The following ERG variants were observed in gnomAD, a reference collection of about 807,000 sequenced individuals.
ERG encodes transcriptional regulator ERG.
ERG carries 9 observed loss-of-function variants against 55.3 expected under a neutral mutation model. That is an observed-to-expected ratio of 0.16 (90% CI 0.10 to 0.28). The LOEUF (loss-of-function observed/expected upper bound fraction) is 0.28, where lower values mean the gene tolerates loss of function less well. Ranked by LOEUF, ERG falls within the 10% of genes least tolerant of loss-of-function variation. ERG has a pLI of 1.00. For synonymous variants in ERG, 223 were observed against 237.3 expected (o/e 0.94, Z 0.55); for missense variants, 434 against 631.6 (o/e 0.69, Z 3.35).
upstream of ERG, chr21:38,584,948 GA>G (rs1247700796): frequency 1.3e-5 from 2 of 152,140 alleles, no homozygotes; most frequent in Non-Finnish European, 2.9e-5. Flanking sequence ...GGAATAACCT[GA>G]ATATAAGTTG....
chr21:38,486,019 T>G (rs2059281869), intron 1 of ERG, among the ~76,000 whole-genome samples: 1 of 151,846 alleles, frequency 6.6e-6, no homozygotes, highest in African/African-American at 2.4e-5. Flanking sequence ...CAGCAACCTT[T>G]GCCTCCCAGG....
rs528503657 is a variant in ERG at position 38,538,847 on chromosome 21, G to A, written c.-41+36815C>T. 5.7e-4 allele frequency among the ~76,000 whole-genome samples: 87 copies of A among 151,744 alleles called. 1 individual carries two copies. The highest frequency in any genetic ancestry group is 1.1e-3 in the African/African-American group (45 of 41,330). On this transcript the variant is annotated intron_variant, in intron 2 of 8. Transcript: ENST00000398897. ...ACCAAGAGAGCTACTGTACTTCTCC[G>A]AGACTCATTTTCTCTTCTGTAAAAA...
chr21:38,658,542 T>G (rs1268892521), intron 1 of ERG, among the ~76,000 whole-genome samples: 3 of 152,224 alleles, frequency 2.0e-5, no homozygotes, highest in South Asian at 2.1e-4. Context: ...TATTTCTTTT[T>G]TGTTTAAAGA....
chr21:38,554,392 A>G (rs1207286291), intron 2 of ERG, among the ~76,000 whole-genome samples: 1 of 152,236 alleles, frequency 6.6e-6, no homozygotes, highest in African/African-American at 2.4e-5. Flanking sequence ...AGCATTATTC[A>G]CAATAGCAAA....
intron 2 of ERG, among the ~76,000 whole-genome samples, chr21:38,509,716 G>A (rs1238678802): frequency 6.6e-6 from 1 of 152,126 alleles, no homozygotes; most frequent in Non-Finnish European, 1.5e-5. Flanking sequence ...CTTTCCCAAG[G>A]AGATGTGAGA....
chr21:38,461,506 G>T (rs555306180), intron 1 of ERG, among the ~76,000 whole-genome samples: 2 of 152,274 alleles, frequency 1.3e-5, no homozygotes, highest in African/African-American at 4.8e-5. Context: ...CTTCACTGCT[G>T]TATCTCCCTG....
intron 2 of ERG, among the ~76,000 whole-genome samples, chr21:38,427,337 G>C (rs1989879424): frequency 6.6e-6 from 1 of 152,374 alleles, no homozygotes; most frequent in East Asian, 1.9e-4. Flanking sequence ...GGCTTCCCAA[G>C]GTGCTGGGAT....
rs536863687 is a variant in ERG, at chr21:38,516,252, T to C, written c.-41+59410A>G. On this transcript the variant is annotated intron_variant, in intron 2 of 8. Transcript: ENST00000398897. ...AAACCTACAGACTCCACCAAAAAAC[T>C]CTTAGGTTTAATTAAAAAATTCAGT... Among the ~76,000 whole-genome samples, 10 of 151,930 alleles carry C rather than the reference T, an allele frequency of 6.6e-5. No homozygotes were observed. In the South Asian group the frequency reaches 2.1e-3, roughly 31 times the overall value.
intron 2 of ERG, among the ~76,000 whole-genome samples, chr21:38,540,867 T>G (rs893293922): frequency 6.6e-6 from 1 of 152,150 alleles, no homozygotes; most frequent in African/African-American, 2.4e-5. Flanking sequence ...CATACATCTT[T>G]AGCAAAGATT....
chr21:38,417,685 A>C (rs1192044284), intron 3 of ERG, among the ~76,000 whole-genome samples: 1 of 152,192 alleles, frequency 6.6e-6, no homozygotes, highest in Non-Finnish European at 1.5e-5. Context: ...GCTACTCAGG[A>C]GGCTGAGGCA....
intron 2 of ERG, among the ~76,000 whole-genome samples, chr21:38,443,470 G>C (rs931547728): frequency 8.5e-5 from 13 of 152,060 alleles, no homozygotes; most frequent in Non-Finnish European, 1.5e-4. Flanking sequence ...GGCATATATG[G>C]GATCATATGA....
At chr21:38,594,494 C>T (rs1045804201) in intron 1 of ERG, among the ~76,000 whole-genome samples, 7 of 152,162 alleles carry the variant, frequency 4.6e-5, no homozygotes, top group East Asian at 1.9e-4. Flanking sequence ...GAGCTGTGGA[C>T]GGGGCCATAT....
intron 1 of ERG, among the ~76,000 whole-genome samples, chr21:38,475,582 G>T (rs1243101015): frequency 6.6e-6 from 1 of 152,192 alleles, no homozygotes; most frequent in African/African-American, 2.4e-5. Flanking sequence ...CTCCTCCGAG[G>T]CATTTGCAAA....
intron 2 of ERG, among the ~76,000 whole-genome samples, chr21:38,504,052 G>C (rs1382641111): frequency 1.3e-5 from 2 of 152,098 alleles, no homozygotes; most frequent in Non-Finnish European, 2.9e-5. Flanking sequence ...GGGGGTAGGG[G>C]AGTGCCATAT....
At chr21:38,554,409 G>T (rs1250435696) in intron 2 of ERG, among the ~76,000 whole-genome samples, 2 of 152,150 alleles carry the variant, frequency 1.3e-5, no homozygotes, top group African/African-American at 4.8e-5. Flanking sequence ...CAAAGACATA[G>T]AACCAATCTA....
chr21:38,582,256 G>A (rs1315793877), intron 1 of ERG, among the ~76,000 whole-genome samples: 5 of 152,196 alleles, frequency 3.3e-5, no homozygotes, highest in Non-Finnish European at 5.9e-5. Flanking sequence ...GTCAGACAGA[G>A]TGTAGGTAAC....
At chr21:38,503,530 C>A (rs1382506715) in intron 2 of ERG, among the ~76,000 whole-genome samples, 2 of 138,310 alleles carry the variant, frequency 1.4e-5, no homozygotes, top group Non-Finnish European at 3.3e-5. Flanking sequence ...TATCCAGTCA[C>A]CGCATGTCTC....
intron 1 of ERG, among the ~76,000 whole-genome samples, chr21:38,601,171 A>G (rs1022155027): frequency 6.6e-6 from 1 of 152,138 alleles, no homozygotes; most frequent in African/African-American, 2.4e-5. Flanking sequence ...CCTTCCCCCA[A>G]CAACTCAGAT....
intron 1 of ERG, among the ~76,000 whole-genome samples, chr21:38,449,856 A>G (rs1485557366): frequency 6.6e-6 from 1 of 152,202 alleles, no homozygotes; most frequent in Non-Finnish European, 1.5e-5. Context: ...GTTGAAACTG[A>G]GAAAATCTTT....
Sources: gnomAD v4.1 joint callset for allele counts (sites outside exome capture counted in the v4.1 genomes callset) on GRCh38, gnomAD v4.1.1 for gene constraint, MANE v1.5 for transcripts, NCBI Gene and HGNC (gene_info 2026-07-23, HGNC 2026-07-21) for gene names.